GABRP: variants seen among roughly 807,000 people sequenced by gnomAD.
GABRP encodes gamma-aminobutyric acid type A receptor subunit pi, also known as gamma-aminobutyric acid receptor subunit pi.
In GABRP, 52 loss-of-function variants were observed where a neutral mutation model predicts 47.8. The observed-to-expected ratio is 1.09, with a 90% CI of 0.87 to 1.37. The LOEUF is 1.37. Among genes scored for constraint, GABRP ranks in the 40% most tolerant of loss-of-function variants. The pLI is 0.00. For missense variants in GABRP, 525 were observed against 542.8 expected, an observed-to-expected ratio of 0.97 and a Z score of 0.33; for synonymous variants, 221 against 205.8, an observed-to-expected ratio of 1.07 and a Z score of -0.63.
At chr5:170,783,000 T>C (rs1294953877), upstream of GABRP, 2 of 149,542 alleles carry the variant, frequency 1.3e-5, no homozygotes, top group African/African-American at 5.1e-5. Context: ...GTTAGGAGGT[T>C]TGGTTGGCCA....
intron 6 of GABRP, among the ~76,000 whole-genome samples, chr5:170,802,596 T>C (rs1341040998): frequency 1.3e-5 from 2 of 152,210 alleles, no homozygotes; most frequent in African/African-American, 4.8e-5. Context: ...AGCTATTACC[T>C]TCCGTGTATC....
At chr5:170,790,965 A>C (rs1765248595) in intron 3 of GABRP, among the ~76,000 whole-genome samples, 1 of 152,218 alleles carries the variant, frequency 6.6e-6, no homozygotes, top group Non-Finnish European at 1.5e-5. Flanking sequence ...AGATCCTGAC[A>C]TTAAAGAACC....
At chr5:170,788,523 C>G in intron 1 of GABRP, 51 bp from the exon 2 acceptor site, 1 of 1,219,726 alleles carries the variant, frequency 8.2e-7, no homozygotes, top group Non-Finnish European at 1.2e-6. Flanking sequence ...TGGCCAGGAG[C>G]AGGTGAGCCT....
intron 6 of GABRP, among the ~76,000 whole-genome samples, chr5:170,803,120 G>A (rs1165420458): frequency 1.3e-5 from 2 of 151,986 alleles, no homozygotes; most frequent in Admixed American, 6.6e-5. Context: ...GCTGGCTTTA[G>A]TACATGTTTG....
chr5:170,804,700 A>G (rs1765682983), intron 6 of GABRP, among the ~76,000 whole-genome samples: 1 of 152,110 alleles, frequency 6.6e-6, no homozygotes, highest in Non-Finnish European at 1.5e-5. Flanking sequence ...GTTGTAAAGC[A>G]CTTGGAAATG....
At chr5:170,807,417 T>C (rs986832304) in intron 7 of GABRP, among the ~76,000 whole-genome samples, 103 of 152,330 alleles carry the variant, frequency 6.8e-4, no homozygotes, top group African/African-American at 2.4e-3. Flanking sequence ...TTCAAAATTA[T>C]GTAATCTCAT....
At chr5:170,795,998 C>T (rs1047262882) in intron 5 of GABRP, among the ~76,000 whole-genome samples, 2 of 152,146 alleles carry the variant, frequency 1.3e-5, no homozygotes, top group Non-Finnish European at 2.9e-5. Flanking sequence ...TTGCCATCTC[C>T]CCAAATTCCT....
intron 3 of GABRP, among the ~76,000 whole-genome samples, chr5:170,791,878 G>A (rs1282458013): frequency 6.6e-6 from 1 of 152,208 alleles, no homozygotes; most frequent in East Asian, 1.9e-4. Flanking sequence ...AGTTTTAGAG[G>A]CTGAGGAGTC....
At chr5:170,805,309 A>G (rs1765701238) in intron 6 of GABRP, among the ~76,000 whole-genome samples, 1 of 152,170 alleles carries the variant, frequency 6.6e-6, no homozygotes, top group Admixed American at 6.6e-5. Flanking sequence ...TTATGCCAAT[A>G]TAGAAATATG....
At chr5:170,806,662 G>A (rs1362890501) in intron 7 of GABRP, among the ~76,000 whole-genome samples, 1 of 152,012 alleles carries the variant, frequency 6.6e-6, no homozygotes, top group Non-Finnish European at 1.5e-5. Flanking sequence ...GGCTGGTCTC[G>A]AACTCCTGAC....
chr5:170,799,586 G>T (rs978753529), intron 6 of GABRP, among the ~76,000 whole-genome samples: 10 of 152,180 alleles, frequency 6.6e-5, no homozygotes, highest in African/African-American at 1.9e-4. Context: ...CTTCTTTTGA[G>T]AAGTGTCTGT....
rs369128809 is a variant in GABRP, at chr5:170,784,619, G to A, written c.-43+745G>A. Among the ~76,000 whole-genome samples the A allele has an allele frequency of 3.9e-5, 6 of 152,196 alleles. No individual in the cohort carries two copies. The South Asian group carries it at 1.2e-3, about 31-fold the overall frequency. On this transcript the variant is annotated intron_variant, in intron 1 of 9. Coordinates refer to ENST00000265294, the MANE Select transcript of GABRP (RefSeq NM_014211.3). ...TCACACTCTGAGTGGCACCTGGGGT[G>A]TATATAGAAATAGAAAGAGCTTGAG...
intron 3 of GABRP, among the ~76,000 whole-genome samples, chr5:170,789,466 C>T (rs1165359087): frequency 6.6e-6 from 1 of 152,196 alleles, no homozygotes; most frequent in Non-Finnish European, 1.5e-5. Context: ...TGCTCCTTCT[C>T]ACTGTGGAGG....
intron 9 of GABRP, 42 bp downstream of exon 9, chr5:170,809,797 C>T (rs769971404): frequency 4.5e-6 from 7 of 1,542,536 alleles, no homozygotes; most frequent in Non-Finnish European, 5.3e-6. Flanking sequence ...ATCACTGGTG[C>T]CGTGTGCTGA....
chr5:170,793,925 A>G (rs946399243), intron 3 of GABRP, among the ~76,000 whole-genome samples: 1 of 152,146 alleles, frequency 6.6e-6, no homozygotes, highest in Non-Finnish European at 1.5e-5. Context: ...AGAAGAGTGA[A>G]ACTCTGTCTC....
intron 4 of GABRP, among the ~76,000 whole-genome samples, chr5:170,794,831 C>CA (rs1765378785): frequency 2.6e-5 from 4 of 151,756 alleles, no homozygotes; most frequent in Admixed American, 2.0e-4. Flanking sequence ...CTTAGCCCAC[C>CA]AAAAAATTCA....
chr5:170,788,739 C>A (rs1411281591), intron 2 of GABRP, 71 bp downstream of exon 2: 7 of 1,415,974 alleles, frequency 4.9e-6, no homozygotes, highest in African/African-American at 1.4e-5. Flanking sequence ...TGGGAGGGGG[C>A]AGCTCCTCCT....
rs559065121 is a variant in GABRP at position 170,786,604 on chromosome 5, G to A, written c.-42-1970G>A. On this transcript the variant is annotated intron_variant, in intron 1 of 9. Coordinates refer to ENST00000265294, the MANE Select transcript of GABRP (RefSeq NM_014211.3). The stretch of plus-strand genomic sequence containing the variant: ...TGGTGCACTCATTAAGAGGAGTTGG[G>A]TCAGCTTGCTTAGATGTACTTTTCT... Among the ~76,000 whole-genome samples, 26 of 152,234 alleles carry A rather than the reference G, an allele frequency of 1.7e-4. No individual in the cohort carries two copies. The South Asian group carries it at 3.7e-3, about 22-fold the overall frequency.
Position 170,797,456 on chromosome 5 carries a change from T to C in GABRP, c.459-10T>C, listed in dbSNP as rs1765460449. 1.3e-6 allele frequency: 2 copies of C among 1,580,862 alleles called. No homozygotes were observed. The highest frequency in any genetic ancestry group is 2.7e-5 in the African/African-American group (2 of 74,186). On this transcript the variant is annotated splice_polypyrimidine_tract_variant and intron_variant, in intron 5 of 9. Transcript: ENST00000265294. ...ACAATACTGTTTTTGAACCTGTTTT[T>C]CCCTCTTAGAATCACGACAACTGTT...
Sources: gnomAD v4.1 joint callset for allele counts (sites outside exome capture counted in the v4.1 genomes callset) on GRCh38, gnomAD v4.1.1 for gene constraint, MANE v1.5 for transcripts, NCBI Gene and HGNC (gene_info 2026-07-23, HGNC 2026-07-21) for gene names.